The following SLC1A3 variants were observed in gnomAD, a reference collection of about 807,000 sequenced individuals.
SLC1A3 encodes excitatory amino acid transporter 1.
Under a neutral mutation model 48.1 loss-of-function variants are expected in SLC1A3, and 21 were observed. The observed-to-expected ratio is 0.44, with a 90% confidence interval of 0.31 to 0.63. The LOEUF (loss-of-function observed/expected upper bound fraction) is 0.63, where lower values mean the gene tolerates loss of function less well. Among genes scored for constraint, SLC1A3 ranks in the 20% least tolerant of loss-of-function variants. The pLI, the probability that SLC1A3 is intolerant of heterozygous loss-of-function variation, is 0.08. For missense variants in SLC1A3, 546 were observed against 689.0 expected (o/e 0.79, Z 2.32); for synonymous variants, 239 against 251.4 (o/e 0.95, Z 0.47).
chr5:36,599,563 G>A (rs12173042), intron 1 of SLC1A3, among the ~76,000 whole-genome samples: 6,657 of 123,950 alleles, frequency 0.054, 229 homozygotes, highest in Middle Eastern at 0.071. Context: ...AGGCTGGAGT[G>A]CAATGGTGCT....
At chr5:36,628,484 A>G (rs1312142580) in intron 2 of SLC1A3, among the ~76,000 whole-genome samples, 1 of 152,172 alleles carries the variant, frequency 6.6e-6, no homozygotes, top group East Asian at 1.9e-4. Flanking sequence ...TATAACTTAC[A>G]TGGACTTTTT....
At chr5:36,603,881 A>T (rs1738835878), upstream of SLC1A3, among the ~76,000 whole-genome samples, 1 of 152,252 alleles carries the variant, frequency 6.6e-6, no homozygotes. Flanking sequence ...AAATATTGAA[A>T]AAAGATTAAA....
chr5:36,663,647 T>C (rs1157496690), intron 3 of SLC1A3, among the ~76,000 whole-genome samples: 1 of 152,194 alleles, frequency 6.6e-6, no homozygotes. Context: ...GTATGTGCCA[T>C]CACACGTGGC....
In SLC1A3 at chr5:36,597,683, C is replaced by T. The variant is rs562977605; in HGVS notation, c.-96+1005C>T. On this transcript the variant is annotated intron_variant, in intron 1 of 9. Coordinates refer to the SLC1A3 transcript ENST00000680318. ...CTCAGTCTTTTTTCTGACCTCTTGC[C>T]GTGGGTAAACAGCAATCTGGGCCCC... Among the ~76,000 whole-genome samples the T allele has an allele frequency of 2.6e-5, 4 of 152,198 alleles. No individual in the cohort carries two copies. The South Asian group carries it at 6.2e-4, about 24-fold the overall frequency.
intron 3 of SLC1A3, among the ~76,000 whole-genome samples, chr5:36,640,566 C>G (rs191719454): frequency 2.0e-5 from 3 of 152,294 alleles, no homozygotes; most frequent in Non-Finnish European, 4.4e-5. Context: ...CCAGTTTCCT[C>G]TCATAAGGCA....
intron 3 of SLC1A3, among the ~76,000 whole-genome samples, chr5:36,634,786 T>G (rs1465959403): frequency 6.6e-6 from 1 of 152,204 alleles, no homozygotes. Context: ...TTCAGTCAAA[T>G]GTGGGACTCA....
At chr5:36,671,607 C>T (rs1002212659) in intron 4 of SLC1A3, among the ~76,000 whole-genome samples, 2 of 152,154 alleles carry the variant, frequency 1.3e-5, no homozygotes, top group East Asian at 1.9e-4. Context: ...TCTTTGGACC[C>T]TTCTGATTTT....
chr5:36,662,784 A>T (rs1436211906), intron 3 of SLC1A3, among the ~76,000 whole-genome samples: 1 of 152,202 alleles, frequency 6.6e-6, no homozygotes, highest in African/African-American at 2.4e-5. Context: ...GGCAAACCAC[A>T]TACTGGGAAG....
intron 3 of SLC1A3, among the ~76,000 whole-genome samples, chr5:36,632,016 A>G (rs1740153105): frequency 6.6e-6 from 1 of 152,258 alleles, no homozygotes; most frequent in Non-Finnish European, 1.5e-5. Context: ...TGGGTGATGC[A>G]TGTACATGAA....
chr5:36,686,755 A>C lies in SLC1A3; in HGVS notation c.*486A>C. 4.3e-6 allele frequency: 1 copy of C among 230,712 alleles called. No individual in the cohort carries two copies. The highest frequency in any genetic ancestry group is 8.6e-6 in the Non-Finnish European group (1 of 116,056). 14.3% of individuals were successfully genotyped at this position (230,712 alleles called of 1,614,324 possible). Reference sequence around the variant, plus strand: ...TATCCCTTTCTCTTCTGACTGGTATACCTATTTCATTAGTAGCTAGGTGCA... The same window carrying C: ...TATCCCTTTCTCTTCTGACTGGTATCCCTATTTCATTAGTAGCTAGGTGCA... On this transcript the variant is annotated 3_prime_UTR_variant, in exon 10 of 10. Coordinates refer to ENST00000265113, the MANE Select transcript of SLC1A3 (RefSeq NM_004172.5).
chr5:36,631,139 T>C (rs1404767791), intron 3 of SLC1A3, among the ~76,000 whole-genome samples: 1 of 152,318 alleles, frequency 6.6e-6, no homozygotes, highest in East Asian at 1.9e-4. Flanking sequence ...GTGCCTGCAG[T>C]TTTCCTATAC....
chr5:36,658,744 G>C (rs1373145463), intron 3 of SLC1A3, among the ~76,000 whole-genome samples: 1 of 152,196 alleles, frequency 6.6e-6, no homozygotes, highest in Non-Finnish European at 1.5e-5. Context: ...AAATGCTGCA[G>C]CTTCACCAAC....
chr5:36,632,471 A>G (rs768199121), intron 3 of SLC1A3, among the ~76,000 whole-genome samples: 9 of 152,196 alleles, frequency 5.9e-5, no homozygotes, highest in Non-Finnish European at 1.0e-4. Flanking sequence ...TGCTGACTAA[A>G]CAAATTGCTA....
chr5:36,617,272 C>T (rs935229693), intron 2 of SLC1A3, among the ~76,000 whole-genome samples: 28 of 152,030 alleles, frequency 1.8e-4, no homozygotes, highest in African/African-American at 6.3e-4. Context: ...GTAAACTCCT[C>T]GTTAAAGCAA....
chr5:36,648,596 CT>C (rs1740929185), intron 3 of SLC1A3, among the ~76,000 whole-genome samples: 3 of 152,198 alleles, frequency 2.0e-5, no homozygotes, highest in East Asian at 3.8e-4. Context: ...GATAACCCCC[CT>C]GGCCTTCTTG....
At chr5:36,602,119 G>A (rs537045094), upstream of SLC1A3, among the ~76,000 whole-genome samples, 2 of 152,238 alleles carry the variant, frequency 1.3e-5, no homozygotes, top group African/African-American at 2.4e-5. Context: ...GAGGAGATTA[G>A]AGTTGACTCC....
chr5:36,627,156 T>TACAC (rs377606634), intron 2 of SLC1A3, among the ~76,000 whole-genome samples: 2 of 151,598 alleles, frequency 1.3e-5, no homozygotes, highest in East Asian at 3.9e-4. Context: ...ACCCAACATA[T>TACAC]ACACACACAC....
At chr5:36,665,142 A>G (rs938219302) in intron 3 of SLC1A3, among the ~76,000 whole-genome samples, 3 of 152,148 alleles carry the variant, frequency 2.0e-5, no homozygotes, top group Non-Finnish European at 1.5e-5. Context: ...AAAATTAGTG[A>G]GTCAGAATTA....
At chr5:36,629,281 A>G (rs1396874561) in intron 2 of SLC1A3, among the ~76,000 whole-genome samples, 169 bp from the exon 3 acceptor site, 1 of 152,234 alleles carries the variant, frequency 6.6e-6, no homozygotes, top group Non-Finnish European at 1.5e-5. Context: ...ACCCTCACAG[A>G]TAATGACTGC....
Sources: allele counts gnomAD v4.1 joint callset (sites outside exome capture counted in the v4.1 genomes callset), GRCh38; gene constraint gnomAD v4.1.1; transcripts MANE v1.5; gene names NCBI Gene and HGNC (gene_info 2026-07-23, HGNC 2026-07-21).